The following MYMX variants were observed in gnomAD, a reference collection of about 807,000 sequenced individuals.
MYMX encodes protein myomixer.
chr6:44,198,977 C>A, the MYMX span, among the ~76,000 whole-genome samples: 1 of 152,030 alleles, frequency 6.6e-6, no homozygotes, highest in African/African-American at 2.4e-5. Flanking sequence ...TGGGGATGGC[C>A]AACTGTTCCA....
At chr6:44,192,807 T>C in the MYMX span, among the ~76,000 whole-genome samples, 7 of 152,202 alleles carry the variant, frequency 4.6e-5, no homozygotes, top group Non-Finnish European at 8.8e-5. Flanking sequence ...CATTTCTTTT[T>C]CTGTCTTGTA....
At chr6:44,216,806 C>A, upstream of MYMX, 1 of 152,496 alleles carries the variant, frequency 6.6e-6, no homozygotes. Flanking sequence ...CTCAATATAC[C>A]AGGTGCCAGA....
upstream of MYMX, among the ~76,000 whole-genome samples, chr6:44,215,148 G>T (rs1582909758): frequency 6.6e-6 from 1 of 152,168 alleles, no homozygotes; most frequent in East Asian, 1.9e-4. Flanking sequence ...GTGGCGGCTG[G>T]TGGGGATGAT....
At chr6:44,204,240 A>G in the MYMX span, among the ~76,000 whole-genome samples, 1 of 152,326 alleles carries the variant, frequency 6.6e-6, no homozygotes, top group Non-Finnish European at 1.5e-5. Context: ...AGAGAGGTAA[A>G]GAAAGTAGAG....
At chr6:44,193,662 C>T in the MYMX span, among the ~76,000 whole-genome samples, 1 of 152,190 alleles carries the variant, frequency 6.6e-6, no homozygotes, top group Non-Finnish European at 1.5e-5. Context: ...CACACAGCCG[C>T]TCTCTTCTAG....
chr6:44,198,917 A>G, the MYMX span, among the ~76,000 whole-genome samples: 1 of 151,788 alleles, frequency 6.6e-6, no homozygotes, highest in Non-Finnish European at 1.5e-5. Context: ...CTGGCCCAGA[A>G]TTTATTTTTG....
the MYMX span, among the ~76,000 whole-genome samples, chr6:44,198,905 A>G: frequency 0.54 from 81,888 of 151,696 alleles, 22,234 homozygotes; most frequent in Middle Eastern, 0.63. Context: ...GAGTAACTAC[A>G]CCTGGCCCAG....
chr6:44,216,410 G>A (rs1034045457), upstream of MYMX, among the ~76,000 whole-genome samples: 5 of 152,040 alleles, frequency 3.3e-5, no homozygotes, highest in Admixed American at 3.3e-4. Context: ...AGCACTTTGA[G>A]AGGTCGAGGC....
At chr6:44,205,847 G>A in the MYMX span, among the ~76,000 whole-genome samples, 1 of 151,576 alleles carries the variant, frequency 6.6e-6, no homozygotes, top group Admixed American at 6.6e-5. Context: ...AGGCGTACTG[G>A]TGCATGCCTG....
At chr6:44,205,147 G>A in the MYMX span, among the ~76,000 whole-genome samples, 17 of 152,152 alleles carry the variant, frequency 1.1e-4, no homozygotes, top group Admixed American at 2.6e-4. Flanking sequence ...GATATTCCCC[G>A]GTGATCAAAG....
chr6:44,198,306 G>T, the MYMX span, among the ~76,000 whole-genome samples: 1 of 149,778 alleles, frequency 6.7e-6, no homozygotes, highest in Non-Finnish European at 1.5e-5. Context: ...GGGACTACAG[G>T]TGCCCGCCAC....
At chr6:44,198,147 A>G in the MYMX span, among the ~76,000 whole-genome samples, 3 of 148,452 alleles carry the variant, frequency 2.0e-5, no homozygotes, top group South Asian at 4.2e-4. Context: ...TACTATCCCA[A>G]ATTCCTCTTT....
chr6:44,217,200 C>T (rs904387009), intron 1 of MYMX, among the ~76,000 whole-genome samples: 3 of 152,082 alleles, frequency 2.0e-5, no homozygotes, highest in Admixed American at 1.3e-4. Context: ...GAGCTGGGAA[C>T]GGCAAGCTGT....
chr6:44,193,335 C>T, the MYMX span, among the ~76,000 whole-genome samples: 1 of 151,980 alleles, frequency 6.6e-6, no homozygotes, highest in African/African-American at 2.4e-5. Context: ...TCCCAAAGTG[C>T]TGGGATTACA....
chr6:44,208,478 A>G, the MYMX span, among the ~76,000 whole-genome samples: 3 of 151,658 alleles, frequency 2.0e-5, no homozygotes, highest in Non-Finnish European at 2.9e-5. Flanking sequence ...TTTACCCCCA[A>G]CTCCCTGGCC....
chr6:44,206,243 A>AT, the MYMX span, among the ~76,000 whole-genome samples: 1 of 151,230 alleles, frequency 6.6e-6, no homozygotes, highest in African/African-American at 2.4e-5. Flanking sequence ...ATTTTATTTT[A>AT]TTTTTTGAGA....
At chr6:44,197,628 A>G in the MYMX span, among the ~76,000 whole-genome samples, 1 of 152,232 alleles carries the variant, frequency 6.6e-6, no homozygotes, top group Non-Finnish European at 1.5e-5. Flanking sequence ...TTCTGGGTAT[A>G]GTTTGCAGTT....
At chr6:44,208,220 T>G in the MYMX span, among the ~76,000 whole-genome samples, 1 of 149,704 alleles carries the variant, frequency 6.7e-6, no homozygotes, top group South Asian at 2.1e-4. Context: ...GCATGCCAGC[T>G]TGGGCAACAG....
At chr6:44,195,169 C>A in the MYMX span, among the ~76,000 whole-genome samples, 1 of 152,046 alleles carries the variant, frequency 6.6e-6, no homozygotes, top group East Asian at 1.9e-4. Flanking sequence ...CAGGTGCGCA[C>A]CACCAAGCCC....
Sources: gnomAD v4.1 joint callset for allele counts (sites outside exome capture counted in the v4.1 genomes callset) on GRCh38, gnomAD v4.1.1 for gene constraint, MANE v1.5 for transcripts, NCBI Gene and HGNC (gene_info 2026-07-23, HGNC 2026-07-21) for gene names.